The following WWOX variants were observed in gnomAD, a reference collection of about 807,000 sequenced individuals.
WWOX encodes the protein WW domain containing oxidoreductase.
A neutral mutation model predicts 46.2 loss-of-function variants in WWOX; 69 were observed. That is an observed-to-expected ratio of 1.49 (90% CI 1.23 to 1.82). The LOEUF (loss-of-function observed/expected upper bound fraction) is 1.82, where lower values mean the gene tolerates loss of function less well. WWOX is among the 40% of genes most tolerant of loss of function. The pLI, the probability that WWOX is intolerant of heterozygous loss-of-function variation, is 0.00. For missense variants in WWOX, 919 were observed against 542.6 expected (o/e 1.69, Z -6.89); for synonymous variants, 359 against 202.6 (o/e 1.77, Z -6.56).
chr16:78,573,475 C>T (rs917604073), intron 8 of WWOX, among the ~76,000 whole-genome samples: 2 of 152,116 alleles, frequency 1.3e-5, no homozygotes, highest in Non-Finnish European at 2.9e-5. Context: ...TACTCCATTC[C>T]ATTCTATATG....
intron 8 of WWOX, among the ~76,000 whole-genome samples, chr16:78,807,967 G>T (rs983744042): frequency 6.6e-6 from 1 of 152,196 alleles, no homozygotes; most frequent in East Asian, 1.9e-4. Context: ...AACTGCTTTG[G>T]AGACTGGTTC....
chr16:78,930,774 C>A (rs1377054557), intron 8 of WWOX, among the ~76,000 whole-genome samples: 1 of 152,090 alleles, frequency 6.6e-6, no homozygotes, highest in Admixed American at 6.5e-5. Context: ...GGTTCCACGG[C>A]ACCTGTGATG....
chr16:78,340,001 C>A (rs2080976508), intron 5 of WWOX, among the ~76,000 whole-genome samples: 1 of 41,518 alleles, frequency 2.4e-5, no homozygotes, highest in Non-Finnish European at 5.1e-5. Flanking sequence ...TTCTTCTAGT[C>A]TTTCCATGGA....
chr16:79,136,568 T>C (rs542105922), intron 8 of WWOX, among the ~76,000 whole-genome samples: 3 of 152,220 alleles, frequency 2.0e-5, no homozygotes, highest in South Asian at 2.1e-4. Context: ...GAAATTGTGA[T>C]TGGGAGGAAA....
intron 5 of WWOX, among the ~76,000 whole-genome samples, chr16:78,251,394 C>A (rs976877992): frequency 2.6e-5 from 4 of 152,172 alleles, no homozygotes; most frequent in African/African-American, 9.7e-5. Flanking sequence ...TTGGTGCCCT[C>A]TTTTGCCATT....
At chr16:78,429,716 C>T (rs145157777) in intron 7 of WWOX, among the ~76,000 whole-genome samples, 10 of 152,248 alleles carry the variant, frequency 6.6e-5, no homozygotes, top group Admixed American at 6.5e-4. Context: ...TCTGTAATAC[C>T]TTATTATGTT....
chr16:78,752,774 G>A (rs1001970647), intron 8 of WWOX, among the ~76,000 whole-genome samples: 1 of 152,158 alleles, frequency 6.6e-6, no homozygotes, highest in African/African-American at 2.4e-5. Flanking sequence ...TATGTAATAA[G>A]TAGTCTCCAA....
chr16:78,986,570 G>A (rs977718826), intron 8 of WWOX, among the ~76,000 whole-genome samples: 2 of 152,300 alleles, frequency 1.3e-5, no homozygotes, highest in South Asian at 2.1e-4. Context: ...ATGACAAACC[G>A]ATAGGCTACT....
chr16:78,797,715 C>T (rs141533582), intron 8 of WWOX, among the ~76,000 whole-genome samples: 22 of 152,278 alleles, frequency 1.4e-4, no homozygotes, highest in South Asian at 2.1e-4. Flanking sequence ...AGGCCAGGTG[C>T]GTTAGGTCAT....
intron 8 of WWOX, among the ~76,000 whole-genome samples, chr16:78,774,253 T>C (rs1176491584): frequency 6.6e-6 from 1 of 152,032 alleles, no homozygotes; most frequent in Admixed American, 6.5e-5. Context: ...ATACAAAAAT[T>C]AGCTGGGCGT....
chr16:78,133,329 C>T (rs1171557764), intron 4 of WWOX, among the ~76,000 whole-genome samples: 2 of 152,298 alleles, frequency 1.3e-5, no homozygotes, highest in South Asian at 4.1e-4. Flanking sequence ...GGCTCAATCT[C>T]GGCTCAGTGC....
intron 8 of WWOX, among the ~76,000 whole-genome samples, chr16:78,855,856 G>C (rs559850892): frequency 6.6e-6 from 1 of 152,282 alleles, no homozygotes; most frequent in South Asian, 2.1e-4. Flanking sequence ...GTGAAGCCCA[G>C]GGGATCCAGG....
intron 8 of WWOX, among the ~76,000 whole-genome samples, chr16:78,816,037 G>C (rs535041273): frequency 6.6e-6 from 1 of 152,304 alleles, no homozygotes; most frequent in Admixed American, 6.5e-5. Flanking sequence ...GTCATAGCCA[G>C]AACATGGCAG....
chr16:78,453,784 C>T lies in WWOX; in HGVS notation c.1056+21032C>T, dbSNP rs181376681. Among the ~76,000 whole-genome samples the T allele has an allele frequency of 5.3e-5, 8 of 152,156 alleles. No individual in the cohort carries two copies. In the East Asian group the frequency reaches 5.8e-4, roughly 11 times the overall value. On this transcript the variant is annotated intron_variant, in intron 8 of 8. Transcript: ENST00000566780. ...ACTTAGATCCAGTTTTTAAACAGTGCGAAGATAGTTAAGCTCTTCTTTTAT... is the reference window on the plus strand; with the variant it reads ...ACTTAGATCCAGTTTTTAAACAGTGTGAAGATAGTTAAGCTCTTCTTTTAT...
chr16:78,818,935 C>A (rs370106666), intron 8 of WWOX, among the ~76,000 whole-genome samples: 1 of 152,154 alleles, frequency 6.6e-6, no homozygotes, highest in Non-Finnish European at 1.5e-5. Context: ...TAGACTTGCA[C>A]CCTGATTTCT....
chr16:78,961,191 T>C (rs1250223962), intron 8 of WWOX, among the ~76,000 whole-genome samples: 3 of 152,146 alleles, frequency 2.0e-5, no homozygotes, highest in African/African-American at 7.2e-5. Context: ...TATGCAGGGA[T>C]GGTGACATCA....
intron 8 of WWOX, among the ~76,000 whole-genome samples, chr16:78,618,674 G>A (rs1340345821): frequency 6.6e-6 from 1 of 152,120 alleles, no homozygotes; most frequent in South Asian, 2.1e-4. Flanking sequence ...CAGGATCCAT[G>A]TTTGATCCGG....
chr16:78,457,494 T>G lies in WWOX; in HGVS notation c.1056+24742T>G, dbSNP rs551683449. ...GTGGAAATAGAAAAACTGTTGATTC[T>G]TTTTTTCATTCACCAATCTTTTTTT... On this transcript the variant is annotated intron_variant, in intron 8 of 8. Transcript: ENST00000566780. 2.0e-3 allele frequency among the ~76,000 whole-genome samples: 299 copies of G among 152,282 alleles called. 2 individuals carry two copies. The highest frequency in any genetic ancestry group is 7.0e-3 in the African/African-American group (292 of 41,564).
intron 8 of WWOX, among the ~76,000 whole-genome samples, chr16:79,183,314 T>C (rs1001079048): frequency 1.3e-5 from 2 of 152,172 alleles, no homozygotes; most frequent in African/African-American, 4.8e-5. Flanking sequence ...TTCTAGTCTT[T>C]GTCCTCCCAG....
Sources: allele counts gnomAD v4.1 joint callset (sites outside exome capture counted in the v4.1 genomes callset), GRCh38; gene constraint gnomAD v4.1.1; transcripts MANE v1.5; gene names NCBI Gene and HGNC (gene_info 2026-07-23, HGNC 2026-07-21).